The following RBFOX1 variants were observed in gnomAD, a reference collection of about 807,000 sequenced individuals.
RBFOX1 encodes the protein RNA binding protein fox-1 homolog 1.
Under a neutral mutation model 57.7 loss-of-function variants are expected in RBFOX1, and 8 were observed. The observed-to-expected ratio is 0.14, with a 90% CI of 0.08 to 0.25. The LOEUF is 0.25. Ranked by LOEUF, RBFOX1 falls within the 10% of genes least tolerant of loss-of-function variation. The pLI, the probability that RBFOX1 is intolerant of heterozygous loss-of-function variation, is 1.00. For missense variants in RBFOX1, 611 were observed against 548.5 expected (o/e 1.11, Z -1.14); for synonymous variants, 326 against 222.4 (o/e 1.47, Z -4.15).
intron 4 of RBFOX1, among the ~76,000 whole-genome samples, chr16:7,355,731 C>T (rs2097203466): frequency 6.6e-6 from 1 of 152,134 alleles, no homozygotes; most frequent in African/African-American, 2.4e-5. Flanking sequence ...AATTCTTACA[C>T]ACAAAAAAGG....
intron 4 of RBFOX1, among the ~76,000 whole-genome samples, chr16:5,994,851 G>A (rs541975719): frequency 7.0e-4 from 107 of 152,274 alleles, no homozygotes; most frequent in African/African-American, 2.4e-3. Flanking sequence ...TGCCCAATGA[G>A]AAATGCATAC....
chr16:5,570,897 T>TCCAAGTAAC (rs2046260308), intron 2 of RBFOX1, among the ~76,000 whole-genome samples: 1 of 152,060 alleles, frequency 6.6e-6, no homozygotes, highest in Non-Finnish European at 1.5e-5. Flanking sequence ...CTTGGAGATC[T>TCCAAGTAAC]TTAGAGAAAT....
At chr16:6,850,835 C>T (rs978021728) in intron 3 of RBFOX1, among the ~76,000 whole-genome samples, 2 of 152,170 alleles carry the variant, frequency 1.3e-5, no homozygotes, top group African/African-American at 2.4e-5. Context: ...TAGAACTAAG[C>T]ATGCACCTCC....
chr16:7,478,045 C>G lies in RBFOX1; in HGVS notation c.28-40102C>G, dbSNP rs76037338. ...TTAAAGCCATGGAGAAAATTAACTC[C>G]AAATCGAATAAGTGCATTTCAAATG... is the stretch of plus-strand genomic sequence containing the variant. On this transcript the variant is annotated intron_variant, in intron 4 of 15. Transcript: ENST00000550418. Among the ~76,000 whole-genome samples, 747 of 152,294 alleles carry G rather than the reference C, an allele frequency of 4.9e-3. 25 individuals are homozygous for G. In the South Asian group the frequency reaches 0.069, roughly 14 times the overall value.
chr16:7,113,938 G>C (rs920532793), intron 4 of RBFOX1, among the ~76,000 whole-genome samples: 4 of 152,064 alleles, frequency 2.6e-5, no homozygotes, highest in African/African-American at 7.2e-5. Flanking sequence ...CCTAGAAGTA[G>C]AATACTTGAG....
intron 3 of RBFOX1, among the ~76,000 whole-genome samples, chr16:6,884,717 A>T (rs1489840262): frequency 6.6e-6 from 1 of 152,032 alleles, no homozygotes; most frequent in Non-Finnish European, 1.5e-5. Context: ...GGGCAACATG[A>T]CGAAACCCCA....
intron 2 of RBFOX1, among the ~76,000 whole-genome samples, chr16:6,464,266 T>C (rs2094988845): frequency 6.6e-6 from 1 of 152,124 alleles, no homozygotes; most frequent in African/African-American, 2.4e-5. Flanking sequence ...ACAAAAAAAA[T>C]CATATATTAA....
chr16:5,642,938 C>G (rs371787711), intron 3 of RBFOX1, among the ~76,000 whole-genome samples: 3 of 152,190 alleles, frequency 2.0e-5, no homozygotes, highest in African/African-American at 4.8e-5. Flanking sequence ...GCTCACCCAC[C>G]TGGTATTCCT....
intron 4 of RBFOX1, among the ~76,000 whole-genome samples, chr16:7,083,325 A>T (rs1039378431): frequency 1.3e-5 from 2 of 152,106 alleles, no homozygotes; most frequent in East Asian, 3.9e-4. Context: ...TCTCCATCTT[A>T]GGGCGAATCT....
intron 2 of RBFOX1, among the ~76,000 whole-genome samples, chr16:5,562,178 G>C (rs1315633320): frequency 2.0e-5 from 3 of 152,286 alleles, no homozygotes; most frequent in East Asian, 1.9e-4. Flanking sequence ...AGATTTGATA[G>C]AACAGATTTA....
chr16:7,673,055 C>T (rs1201271305), intron 13 of RBFOX1, among the ~76,000 whole-genome samples: 1 of 151,976 alleles, frequency 6.6e-6, no homozygotes, highest in African/African-American at 2.4e-5. Flanking sequence ...GCCTTTACCC[C>T]TAGTTAAGCT....
At chr16:6,879,477 A>T (rs762336496) in intron 3 of RBFOX1, among the ~76,000 whole-genome samples, 1 of 152,102 alleles carries the variant, frequency 6.6e-6, no homozygotes, top group Non-Finnish European at 1.5e-5. Context: ...TTGATTGATG[A>T]CCCCATCATG....
intron 1 of RBFOX1, among the ~76,000 whole-genome samples, chr16:6,113,870 C>G (rs1204985517): frequency 6.6e-6 from 1 of 152,138 alleles, no homozygotes; most frequent in Non-Finnish European, 1.5e-5. Flanking sequence ...TCCTTTGCTC[C>G]CATCCCAGAG....
chr16:6,690,523 A>T (rs1241244295), intron 3 of RBFOX1, among the ~76,000 whole-genome samples: 1 of 150,794 alleles, frequency 6.6e-6, no homozygotes, highest in African/African-American at 2.4e-5. Context: ...GTATATAAGT[A>T]AAAGGCAAAC....
At chr16:6,837,413 A>G (rs1473479647) in intron 3 of RBFOX1, among the ~76,000 whole-genome samples, 1 of 152,242 alleles carries the variant, frequency 6.6e-6, no homozygotes, top group Admixed American at 6.5e-5. Context: ...TCCACCAGCT[A>G]GAGCTGATCA....
chr16:5,478,388 G>A (rs547800317), intron 2 of RBFOX1, among the ~76,000 whole-genome samples: 19 of 152,188 alleles, frequency 1.2e-4, no homozygotes, highest in African/African-American at 4.6e-4. Flanking sequence ...GGTAATGAAT[G>A]TGCAGTTATT....
intron 14 of RBFOX1, among the ~76,000 whole-genome samples, chr16:7,695,126 A>G (rs1598304096): frequency 6.6e-6 from 1 of 152,154 alleles, no homozygotes; most frequent in Admixed American, 6.5e-5. Context: ...ATGAATTGCT[A>G]TTGATCACAT....
intron 3 of RBFOX1, among the ~76,000 whole-genome samples, chr16:6,886,206 C>T (rs772219623): frequency 4.0e-5 from 6 of 151,792 alleles, no homozygotes; most frequent in Non-Finnish European, 7.4e-5. Flanking sequence ...GGATTACAGG[C>T]GTGTGCTACC....
intron 4 of RBFOX1, among the ~76,000 whole-genome samples, chr16:7,310,475 C>T (rs755172098): frequency 1.2e-4 from 18 of 152,058 alleles, no homozygotes; most frequent in Admixed American, 3.9e-4. Context: ...TAAAAACTGA[C>T]GTTAACTGTG....
Sources: gnomAD v4.1 joint callset for allele counts (sites outside exome capture counted in the v4.1 genomes callset) on GRCh38, gnomAD v4.1.1 for gene constraint, MANE v1.5 for transcripts, NCBI Gene and HGNC (gene_info 2026-07-23, HGNC 2026-07-21) for gene names.